The following SGCD variants were observed in gnomAD, a reference collection of about 807,000 sequenced individuals.
SGCD encodes sarcoglycan delta.
Under a neutral mutation model 36.6 loss-of-function variants are expected in SGCD, and 18 were observed. The ratio of observed to expected loss-of-function variants is 0.49; its 90% CI spans 0.34 to 0.73. The LOEUF (loss-of-function observed/expected upper bound fraction) is 0.73, where lower values mean the gene tolerates loss of function less well. SGCD is among the 30% of genes least tolerant of loss of function. SGCD has a pLI of 0.01. For missense variants in SGCD, 387 were observed against 346.7 expected (o/e 1.12, Z -0.92); for synonymous variants, 133 against 130.6 (o/e 1.02, Z -0.12).
intron 3 of SGCD, among the ~76,000 whole-genome samples, chr5:156,296,874 T>C (rs1356873698): frequency 6.6e-6 from 1 of 152,110 alleles, no homozygotes; most frequent in Non-Finnish European, 1.5e-5. Flanking sequence ...TTCACTGTTT[T>C]CAATTTTTGC....
chr5:156,541,168 G>C (rs1758334665), intron 4 of SGCD, among the ~76,000 whole-genome samples: 1 of 152,184 alleles, frequency 6.6e-6, no homozygotes, highest in Admixed American at 6.6e-5. Context: ...AAAAAAAGCT[G>C]ATGCTATTAG....
intron 7 of SGCD, among the ~76,000 whole-genome samples, chr5:156,755,939 A>G (rs746876308): frequency 6.6e-6 from 1 of 152,178 alleles, no homozygotes; most frequent in Non-Finnish European, 1.5e-5. Flanking sequence ...CATTTGTGCA[A>G]TGTGGCTGGG....
chr5:155,934,393 C>G (rs1451088173), intron 1 of SGCD, among the ~76,000 whole-genome samples: 1 of 152,194 alleles, frequency 6.6e-6, no homozygotes, highest in Admixed American at 6.5e-5. Context: ...TTGCGTAGCA[C>G]TGAACTATGC....
chr5:156,220,183 G>C (rs1764682968), intron 3 of SGCD, among the ~76,000 whole-genome samples: 1 of 152,092 alleles, frequency 6.6e-6, no homozygotes, highest in South Asian at 2.1e-4. Context: ...AGTTTTGTTT[G>C]TTATTTGTTT....
intron 4 of SGCD, among the ~76,000 whole-genome samples, chr5:156,520,772 C>T (rs1013437465): frequency 1.3e-5 from 2 of 151,976 alleles, no homozygotes; most frequent in African/African-American, 4.8e-5. Context: ...AATCCCAGCA[C>T]TTTGGGAGGA....
At chr5:155,835,027 A>T in the SGCD span, among the ~76,000 whole-genome samples, 1 of 5,458 alleles carries the variant, frequency 1.8e-4, no homozygotes, top group Admixed American at 2.2e-3. Flanking sequence ...TTTTTTTTTG[A>T]GACAGAGTCT....
chr5:156,019,846 A>G (rs148666515), intron 1 of SGCD, among the ~76,000 whole-genome samples: 5 of 152,334 alleles, frequency 3.3e-5, no homozygotes, highest in Non-Finnish European at 7.3e-5. Context: ...TTCAAGGCCT[A>G]TGAGATAAAA....
the SGCD span, among the ~76,000 whole-genome samples, chr5:155,815,663 G>A: frequency 2.6e-5 from 4 of 152,168 alleles, no homozygotes; most frequent in African/African-American, 9.7e-5. Flanking sequence ...TACATGGCTG[G>A]ATTAGGAGGA....
intron 4 of SGCD, among the ~76,000 whole-genome samples, chr5:156,577,729 G>T (rs1051545539): frequency 6.6e-6 from 1 of 152,124 alleles, no homozygotes; most frequent in African/African-American, 2.4e-5. Context: ...TCTATTATTG[G>T]TGTATAGGAA....
At chr5:156,577,613 C>T (rs568497741) in intron 4 of SGCD, among the ~76,000 whole-genome samples, 19 of 152,272 alleles carry the variant, frequency 1.2e-4, no homozygotes, top group African/African-American at 2.4e-4. Flanking sequence ...TTGTAGTTCT[C>T]CTTGAAGAGG....
At chr5:156,315,345 A>G (rs1767488496) in intron 3 of SGCD, among the ~76,000 whole-genome samples, 1 of 151,764 alleles carries the variant, frequency 6.6e-6, no homozygotes, top group Admixed American at 6.6e-5. Flanking sequence ...CACTTAACAC[A>G]ATATCCTTCA....
chr5:156,299,519 TG>T (rs1302341431), intron 3 of SGCD, among the ~76,000 whole-genome samples: 4 of 152,180 alleles, frequency 2.6e-5, no homozygotes, highest in Non-Finnish European at 4.4e-5. Context: ...TAGATTGTTT[TG>T]GGTAGTATGG....
intron 3 of SGCD, among the ~76,000 whole-genome samples, chr5:156,493,684 G>A (rs1756043876): frequency 6.6e-6 from 1 of 152,078 alleles, no homozygotes; most frequent in Non-Finnish European, 1.5e-5. Flanking sequence ...ACCAATTTTG[G>A]TCTCTCAGTA....
At chr5:156,680,999 C>G (rs1407533614) in intron 7 of SGCD, among the ~76,000 whole-genome samples, 1 of 152,052 alleles carries the variant, frequency 6.6e-6, no homozygotes, top group Non-Finnish European at 1.5e-5. Flanking sequence ...GCCGGTCGCT[C>G]CTCTCTGGCA....
chr5:155,732,355 C>A, the SGCD span, among the ~76,000 whole-genome samples: 1 of 152,148 alleles, frequency 6.6e-6, no homozygotes, highest in Non-Finnish European at 1.5e-5. Flanking sequence ...TGAGTCCAGG[C>A]GTGGTTGACT....
intron 1 of SGCD, among the ~76,000 whole-genome samples, chr5:155,980,104 G>C (rs1758196076): frequency 1.3e-5 from 2 of 152,098 alleles, no homozygotes; most frequent in Admixed American, 1.3e-4. Flanking sequence ...TCCCCAAAGA[G>C]AGCCCTAACC....
At chr5:155,983,889 G>A (rs532556179) in intron 1 of SGCD, among the ~76,000 whole-genome samples, 18 of 152,056 alleles carry the variant, frequency 1.2e-4, no homozygotes, top group African/African-American at 3.9e-4. Context: ...CTAATTCTTT[G>A]CCCCTCTGCT....
intron 3 of SGCD, among the ~76,000 whole-genome samples, chr5:156,190,487 T>C (rs907760970): frequency 9.2e-5 from 14 of 152,132 alleles, no homozygotes; most frequent in Non-Finnish European, 1.6e-4. Flanking sequence ...TTTTGCCCTA[T>C]GTAATTTATT....
At chr5:156,315,903 T>C (rs778273309) in intron 3 of SGCD, among the ~76,000 whole-genome samples, 3 of 152,120 alleles carry the variant, frequency 2.0e-5, no homozygotes, top group Admixed American at 2.0e-4. Flanking sequence ...GATTTTTTCT[T>C]ACCAAGTTTT....
Sources: gnomAD v4.1 joint callset for allele counts (sites outside exome capture counted in the v4.1 genomes callset) on GRCh38, gnomAD v4.1.1 for gene constraint, MANE v1.5 for transcripts, NCBI Gene and HGNC (gene_info 2026-07-23, HGNC 2026-07-21) for gene names.